The following DTD1 variants were observed in gnomAD, a reference collection of about 807,000 sequenced individuals.
DTD1 encodes D-aminoacyl-tRNA deacylase 1.
A neutral mutation model predicts 25.6 loss-of-function variants in DTD1; 13 were observed. The ratio of observed to expected loss-of-function variants is 0.51; its 90% CI spans 0.33 to 0.81. The LOEUF (loss-of-function observed/expected upper bound fraction) is 0.81, where lower values mean the gene tolerates loss of function less well. DTD1 is among the 30% of genes least tolerant of loss of function. DTD1 has a pLI of 0.02. For synonymous variants in DTD1, 110 were observed against 103.6 expected (o/e 1.06, Z -0.37); for missense variants, 193 against 266.4 (o/e 0.72, Z 1.92).
chr20:18,715,300 C>CCT (rs1177067888), intron 4 of DTD1, among the ~76,000 whole-genome samples: 2 of 152,166 alleles, frequency 1.3e-5, no homozygotes, highest in African/African-American at 2.4e-5. Flanking sequence ...GACTGGGACC[C>CCT]CTGTTGTTGA....
chr20:18,647,691 G>A (rs2060855598), intron 4 of DTD1, among the ~76,000 whole-genome samples: 1 of 152,192 alleles, frequency 6.6e-6, no homozygotes, highest in South Asian at 2.1e-4. Context: ...GCAATGCTGT[G>A]TCCTGGTAAG....
At chr20:18,761,040 C>CGGGATATAATCTCCTGGTGTGCCGTTT (rs1568693240) in intron 5 of DTD1, among the ~76,000 whole-genome samples, 2 of 152,168 alleles carry the variant, frequency 1.3e-5, no homozygotes, top group African/African-American at 4.8e-5. Context: ...GAGCCATGCG[C>CGGGATATAATCTCCTGGTGTGCCGTTT]GGGATATAAT....
chr20:18,748,046 A>C (rs552334087), intron 5 of DTD1, among the ~76,000 whole-genome samples: 39 of 152,010 alleles, frequency 2.6e-4, no homozygotes, highest in African/African-American at 8.0e-4. Flanking sequence ...GAACAAAACA[A>C]AACAAAAAAA....
At chr20:18,597,471 CT>C (rs2060616602) in intron 3 of DTD1, among the ~76,000 whole-genome samples, 1 of 152,098 alleles carries the variant, frequency 6.6e-6, no homozygotes, top group South Asian at 2.1e-4. Flanking sequence ...TTTTATAACA[CT>C]TTTGTCCCAC....
At chr20:18,708,366 T>A (rs182979874) in intron 4 of DTD1, among the ~76,000 whole-genome samples, 8,910 of 108,600 alleles carry the variant, frequency 0.082, 1,009 homozygotes, top group East Asian at 0.26. Context: ...ATATATATAT[T>A]TTTTTTTGAT....
rs368754682 is a variant in DTD1, at chr20:18,611,978, C to T, written c.370+15737C>T. ...CAAGTGATTCTCATGCCTCAGCCTC[C>T]CGAGTAGCTGGGATTACAGGCGCCC... On this transcript the variant is annotated intron_variant, in intron 3 of 5. Coordinates refer to ENST00000377452, the MANE Select transcript of DTD1 (RefSeq NM_080820.6). Among the ~76,000 whole-genome samples, 6 of 152,014 alleles carry T rather than the reference C, an allele frequency of 3.9e-5. No individual in the cohort carries two copies. The East Asian group carries it at 7.7e-4, about 20-fold the overall frequency.
chr20:18,737,566 A>G (rs1425786987), intron 4 of DTD1, among the ~76,000 whole-genome samples: 2 of 151,842 alleles, frequency 1.3e-5, no homozygotes, highest in African/African-American at 4.8e-5. Flanking sequence ...CCCGGGTCAG[A>G]CTCTGCTCCC....
chr20:18,615,312 C>G (rs1382514516), intron 3 of DTD1, among the ~76,000 whole-genome samples: 1 of 152,018 alleles, frequency 6.6e-6, no homozygotes, highest in Non-Finnish European at 1.5e-5. Flanking sequence ...GGCTGTTTCT[C>G]GAATCATTGC....
intron 4 of DTD1, chr20:18,642,975 G>A (rs6081270): frequency 0.31 from 47,729 of 151,896 alleles, 8,295 homozygotes; most frequent in South Asian, 0.43. Flanking sequence ...GAGTTCAATG[G>A]TGCGATCTCT....
At chr20:18,681,393 C>T (rs760066870) in intron 4 of DTD1, among the ~76,000 whole-genome samples, 7 of 152,216 alleles carry the variant, frequency 4.6e-5, no homozygotes, top group African/African-American at 9.6e-5. Context: ...GGCAAGATGT[C>T]ATCCGCTTGA....
At chr20:18,617,012 C>T (rs910602762) in intron 3 of DTD1, among the ~76,000 whole-genome samples, 1 of 152,186 alleles carries the variant, frequency 6.6e-6, no homozygotes, top group Non-Finnish European at 1.5e-5. Context: ...TTTCCCCCTC[C>T]TGTCCTTATT....
At chr20:18,742,844 G>A (rs2061283930) in intron 4 of DTD1, among the ~76,000 whole-genome samples, 1 of 152,236 alleles carries the variant, frequency 6.6e-6, no homozygotes, top group African/African-American at 2.4e-5. Context: ...ATTGGGGGAA[G>A]TGAATCCTCT....
intron 4 of DTD1, among the ~76,000 whole-genome samples, chr20:18,694,894 A>C (rs917460791): frequency 6.6e-6 from 1 of 152,176 alleles, no homozygotes; most frequent in African/African-American, 2.4e-5. Context: ...AGACTGCAGT[A>C]CCCCCAAGAG....
intron 3 of DTD1, among the ~76,000 whole-genome samples, chr20:18,626,196 A>G (rs2122307421): frequency 6.6e-6 from 1 of 152,312 alleles, no homozygotes; most frequent in Admixed American, 6.5e-5. Context: ...GCACCTTTGT[A>G]ACCATCCCAG....
intron 4 of DTD1, among the ~76,000 whole-genome samples, chr20:18,696,596 C>G (rs1185546115): frequency 6.6e-6 from 1 of 152,016 alleles, no homozygotes; most frequent in African/African-American, 2.4e-5. Flanking sequence ...CTCTTGTTGC[C>G]CAGGCTGGAA....
At chr20:18,681,368 A>G (rs1160437507) in intron 4 of DTD1, among the ~76,000 whole-genome samples, 2 of 152,238 alleles carry the variant, frequency 1.3e-5, no homozygotes, top group East Asian at 3.8e-4. Flanking sequence ...ATGAAGCCCC[A>G]CAGACACTTT....
intron 5 of DTD1, among the ~76,000 whole-genome samples, chr20:18,760,705 C>T (rs1463625334): frequency 2.0e-5 from 3 of 152,224 alleles, no homozygotes; most frequent in Non-Finnish European, 2.9e-5. Flanking sequence ...AGGAGGCAGT[C>T]TGTCTGTTCT....
intron 4 of DTD1, among the ~76,000 whole-genome samples, chr20:18,705,088 T>C (rs573738337): frequency 6.6e-6 from 1 of 152,312 alleles, no homozygotes; most frequent in Admixed American, 6.5e-5. Context: ...ATTTGTGACT[T>C]CTGTACTGGA....
chr20:18,624,247 A>G (rs2060748626), intron 3 of DTD1, among the ~76,000 whole-genome samples: 1 of 152,192 alleles, frequency 6.6e-6, no homozygotes, highest in Non-Finnish European at 1.5e-5. Flanking sequence ...CCAGCACACC[A>G]GAGCTCCTGC....
Sources: allele counts gnomAD v4.1 joint callset (sites outside exome capture counted in the v4.1 genomes callset), GRCh38; gene constraint gnomAD v4.1.1; transcripts MANE v1.5; gene names NCBI Gene and HGNC (gene_info 2026-07-23, HGNC 2026-07-21).